The following TENM4 variants were observed in gnomAD, a reference collection of about 807,000 sequenced individuals.
TENM4 encodes teneurin-4.
TENM4 carries 82 observed loss-of-function variants against 243.3 expected under a neutral mutation model. That is an observed-to-expected ratio of 0.34 (90% confidence interval 0.28 to 0.40). The LOEUF is 0.40. TENM4 is among the 10% of genes least tolerant of loss of function. TENM4 has a pLI of 1.00. For synonymous variants in TENM4, 1,412 were observed against 1,456.3 expected, an observed-to-expected ratio of 0.97 and a Z score of 0.69; for missense variants, 3,138 against 3,673.3, an observed-to-expected ratio of 0.85 and a Z score of 3.77.
At chr11:79,318,056 C>T (rs1002910225) in intron 1 of TENM4, among the ~76,000 whole-genome samples, 18 of 152,170 alleles carry the variant, frequency 1.2e-4, no homozygotes. Context: ...AGCTTTGAAG[C>T]TGGATTTCTT....
intron 24 of TENM4, among the ~76,000 whole-genome samples, chr11:78,721,238 T>C (rs576460005): frequency 6.6e-4 from 100 of 152,338 alleles, no homozygotes; most frequent in East Asian, 1.4e-3. Context: ...AGACTCATAA[T>C]AGACAGCAGA....
chr11:79,055,853 C>T (rs534628197), intron 6 of TENM4, among the ~76,000 whole-genome samples: 61 of 152,226 alleles, frequency 4.0e-4, no homozygotes, highest in African/African-American at 1.5e-3. Flanking sequence ...TCTGAGATTC[C>T]ACTGACCTTT....
rs61659263 is a variant in TENM4, at chr11:79,218,241, C to G, written c.-264-2332G>C. Among the ~76,000 whole-genome samples, 174 of 144,050 alleles carry G rather than the reference C, an allele frequency of 1.2e-3. 5 individuals carry two copies. Among genetic ancestry groups the G allele is most frequent in the African/African-American group, 4.5e-3 (170 of 38,136 alleles). 94.5% of individuals were successfully genotyped at this position (144,050 alleles called of 152,430 possible). A position where few individuals can be genotyped will look rare whatever the true frequency, so the allele number is the denominator to read the frequency against. On this transcript the variant is annotated intron_variant, in intron 2 of 33. Transcript: ENST00000278550. ...GAAGTTTACCCCCTGCCCACCCACC[C>G]CCGACACACACAACCCCACCCCAAG...
chr11:78,677,024 T>C (rs529108255), intron 29 of TENM4, among the ~76,000 whole-genome samples: 1 of 152,308 alleles, frequency 6.6e-6, no homozygotes, highest in South Asian at 2.1e-4. Context: ...GGATTTCTCT[T>C]TGCGGTGATA....
intron 4 of TENM4, among the ~76,000 whole-genome samples, chr11:79,132,095 C>A (rs1218016071): frequency 6.6e-6 from 1 of 151,870 alleles, no homozygotes; most frequent in Non-Finnish European, 1.5e-5. Context: ...GGAATCTCAG[C>A]ACTTTGGGAG....
At chr11:78,932,674 G>A (rs912808830) in intron 6 of TENM4, among the ~76,000 whole-genome samples, 6 of 152,186 alleles carry the variant, frequency 3.9e-5, no homozygotes, top group African/African-American at 7.2e-5. Context: ...GGCCAGTCTC[G>A]TGGAAGACAA....
chr11:79,306,304 A>G (rs1452063471), intron 1 of TENM4, among the ~76,000 whole-genome samples: 1 of 152,198 alleles, frequency 6.6e-6, no homozygotes, highest in Non-Finnish European at 1.5e-5. Context: ...TGTTCCACTC[A>G]GGGATATGGG....
At chr11:78,683,997 C>T (rs1371854139) in intron 29 of TENM4, among the ~76,000 whole-genome samples, 1 of 152,196 alleles carries the variant, frequency 6.6e-6, no homozygotes, top group African/African-American at 2.4e-5. Flanking sequence ...TCCCTCCAGG[C>T]TCTGCTAAAA....
intron 6 of TENM4, among the ~76,000 whole-genome samples, chr11:78,934,082 A>G (rs1856730202): frequency 6.6e-6 from 1 of 152,190 alleles, no homozygotes; most frequent in Non-Finnish European, 1.5e-5. Flanking sequence ...TGCCAGGGAA[A>G]GGAGCATGGT....
chr11:78,721,721 A>G (rs1190487371), intron 24 of TENM4, among the ~76,000 whole-genome samples: 1 of 152,214 alleles, frequency 6.6e-6, no homozygotes, highest in Non-Finnish European at 1.5e-5. Context: ...CTGTGGAGGA[A>G]GGCTTTCCAG....
At chr11:79,041,115 G>T (rs183806450) in intron 6 of TENM4, among the ~76,000 whole-genome samples, 1 of 150,986 alleles carries the variant, frequency 6.6e-6, no homozygotes, top group Admixed American at 6.6e-5. Context: ...CTTGGCTGGC[G>T]TGCAGTGGCA....
intron 1 of TENM4, among the ~76,000 whole-genome samples, chr11:79,439,753 T>G (rs1859359715): frequency 6.6e-6 from 1 of 151,944 alleles, no homozygotes; most frequent in African/African-American, 2.4e-5. Context: ...AAAATGGCAA[T>G]TAAAATGACT....
intron 1 of TENM4, among the ~76,000 whole-genome samples, chr11:79,371,852 A>G (rs1026426090): frequency 1.3e-5 from 2 of 152,188 alleles, no homozygotes; most frequent in Non-Finnish European, 2.9e-5. Context: ...ACTTTATTTT[A>G]CTTCCTGAGC....
intron 2 of TENM4, among the ~76,000 whole-genome samples, chr11:79,257,498 T>A (rs1194120228): frequency 6.6e-6 from 1 of 152,120 alleles, no homozygotes; most frequent in African/African-American, 2.4e-5. Flanking sequence ...TTGAGCCTAA[T>A]AGAAACAATG....
chr11:79,409,536 T>C (rs2135570219), intron 1 of TENM4, among the ~76,000 whole-genome samples: 1 of 152,256 alleles, frequency 6.6e-6, no homozygotes, highest in East Asian at 1.9e-4. Flanking sequence ...GAGCTGCAGG[T>C]TCCCATGAAG....
chr11:78,894,589 G>C (rs1855745385), intron 7 of TENM4, among the ~76,000 whole-genome samples: 1 of 151,966 alleles, frequency 6.6e-6, no homozygotes, highest in African/African-American at 2.4e-5. Context: ...AGGATTTCTA[G>C]AGTAAGAGGG....
intron 23 of TENM4, among the ~76,000 whole-genome samples, chr11:78,724,379 A>G (rs2135851240): frequency 6.6e-6 from 1 of 152,384 alleles, no homozygotes; most frequent in East Asian, 1.9e-4. Flanking sequence ...GGCATGAGCC[A>G]CGGTGCCTGG....
intron 6 of TENM4, among the ~76,000 whole-genome samples, chr11:78,952,070 T>C (rs1857118537): frequency 6.6e-6 from 1 of 152,138 alleles, no homozygotes; most frequent in African/African-American, 2.4e-5. Context: ...GTTTAGTGTG[T>C]TTCTGTCTCC....
intron 19 of TENM4, among the ~76,000 whole-genome samples, chr11:78,748,909 C>T (rs1240943970): frequency 1.3e-5 from 2 of 152,154 alleles, no homozygotes; most frequent in Admixed American, 6.5e-5. Context: ...AGTGACCCCA[C>T]ATCAGAGGGG....
Sources: gnomAD v4.1 joint callset for allele counts (sites outside exome capture counted in the v4.1 genomes callset) on GRCh38, gnomAD v4.1.1 for gene constraint, MANE v1.5 for transcripts, NCBI Gene and HGNC (gene_info 2026-07-23, HGNC 2026-07-21) for gene names.